Variants in TBC1D31 observed in about 807,000 individuals in gnomAD.
The protein encoded by TBC1D31 is TBC1 domain family member 31.
A neutral mutation model predicts 132.9 loss-of-function variants in TBC1D31; 99 were observed. The observed-to-expected ratio is 0.74, with a 90% confidence interval of 0.63 to 0.88. The LOEUF is 0.88. TBC1D31 is among the 40% of genes least tolerant of loss of function. TBC1D31 has a pLI of 0.00. For synonymous variants in TBC1D31, 385 were observed against 419.4 expected (o/e 0.92, Z 1.00); for missense variants, 1,134 against 1,256.6 (o/e 0.90, Z 1.48).
chr8:123,120,101 C>A lies in TBC1D31; in HGVS notation c.1483C>A (p.Pro495Thr), dbSNP rs745997465. 19 of 1,610,528 alleles carry A rather than the reference C, an allele frequency of 1.2e-5. No homozygotes were observed. Among genetic ancestry groups the A allele is most frequent in the Middle Eastern group, 1.6e-4 (1 of 6,078 alleles). ...AHWSVIFSDT[P>T]YLPLLAFPFV... Reference sequence around the variant, plus strand: ...CTGGTCTGTCATTTTTAGTGACACACCATATCTTCCACTCTTGGCATTTCC... The same window carrying A: ...CTGGTCTGTCATTTTTAGTGACACAACATATCTTCCACTCTTGGCATTTCC... Residue 495 changes from proline (P) to threonine (T), a missense_variant, in exon 11 of 22, where the codon CCA becomes ACA. By Grantham distance (38) the Pro-to-Thr change is conservative. Transcript: ENST00000287380.
chr8:123,151,273 T>A (rs1163769839), intron 21 of TBC1D31, among the ~76,000 whole-genome samples: 3 of 152,186 alleles, frequency 2.0e-5, no homozygotes, highest in Non-Finnish European at 4.4e-5. Context: ...TAAGGGCTTT[T>A]AAAAAAAATT....
intron 20 of TBC1D31, among the ~76,000 whole-genome samples, chr8:123,147,361 C>T (rs576446635): frequency 1.5e-4 from 23 of 152,064 alleles, no homozygotes; most frequent in African/African-American, 5.3e-4. Context: ...TTAGTAGAGA[C>T]GGGGTTTCAC....
In TBC1D31 at chr8:123,072,789, G is replaced by A. The variant is rs1053125586; in HGVS notation, c.20G>A (p.Gly7Asp). ...TTCGCCATGCAGAGCACTGACCTAG[G>A]CAACAAGGAGAGCGGCAAGATATGG... Reference protein sequence around the residue: MQSTDLGNKESGKIWHR... With the variant: MQSTDLDNKESGKIWHR... Residue 7 changes from glycine (G) to aspartate (D), a missense_variant, in exon 1 of 22, where the codon GGC (glycine) becomes GAC (aspartate). By Grantham distance (94) the Gly-to-Asp change is moderately conservative (BLOSUM62 -1). Transcript: ENST00000287380. 1 of 1,571,460 alleles carries A rather than the reference G, an allele frequency of 6.4e-7. No individual in the cohort carries two copies. The highest frequency in any genetic ancestry group is 8.6e-7 in the Non-Finnish European group (1 of 1,158,734).
intron 6 of TBC1D31, among the ~76,000 whole-genome samples, chr8:123,100,082 G>C (rs533056050): frequency 6.6e-6 from 1 of 152,234 alleles, no homozygotes; most frequent in South Asian, 2.1e-4. Flanking sequence ...AATATTTGCT[G>C]TTGGAGAGAC....
At chr8:123,144,111 A>C (rs1351155440) in intron 19 of TBC1D31, among the ~76,000 whole-genome samples, 2 of 152,334 alleles carry the variant, frequency 1.3e-5, no homozygotes, top group African/African-American at 2.4e-5. Flanking sequence ...TTATTTCTAT[A>C]GCATAAAAAT....
At chr8:123,089,925 T>G (rs918231982) in intron 4 of TBC1D31, among the ~76,000 whole-genome samples, 9 of 152,242 alleles carry the variant, frequency 5.9e-5, no homozygotes, top group Admixed American at 1.3e-4. Context: ...TACATAATGT[T>G]ATAGAATATA....
chr8:123,077,526 A>G (rs987745853), intron 2 of TBC1D31, among the ~76,000 whole-genome samples: 3 of 146,390 alleles, frequency 2.0e-5, no homozygotes, highest in African/African-American at 5.1e-5. Flanking sequence ...AAAATTTATT[A>G]TTGCTAATTT....
rs751117700 is a variant in TBC1D31, at chr8:123,142,359, G to T, written c.2738G>T (p.Arg913Leu). The T allele has an allele frequency of 6.2e-7, 1 of 1,609,606 alleles. No homozygotes were observed. Among genetic ancestry groups the T allele is most frequent in the Admixed American group, 1.7e-5 (1 of 59,242 alleles). The change falls in exon 19 of 22, where the codon CGA becomes CTA. Residue 913 changes from arginine (R) to leucine (L), a missense_variant. Transcript: ENST00000287380. ...LHKQKCDDLQ[R>L]NKCYQEVAKL... ...AAACAAAAATGTGATGATCTACAAC[G>T]AAACAAATGTTACCAGGAAGTAGCC... is the stretch of plus-strand genomic sequence containing the variant.
At chr8:123,137,315 C>T (rs997658467) in intron 17 of TBC1D31, among the ~76,000 whole-genome samples, 2 of 152,164 alleles carry the variant, frequency 1.3e-5, no homozygotes, top group African/African-American at 4.8e-5. Context: ...TGAGTTAATA[C>T]GTATTTGTCT....
chr8:123,161,236 C>G, the TBC1D31 span, among the ~76,000 whole-genome samples: 1 of 152,256 alleles, frequency 6.6e-6, no homozygotes, highest in Non-Finnish European at 1.5e-5. Context: ...CCTCAGGCCC[C>G]TCTGTAGAGA....
At chr8:123,152,621 A>C (rs1184531468), downstream of TBC1D31, among the ~76,000 whole-genome samples, 1 of 152,230 alleles carries the variant, frequency 6.6e-6, no homozygotes, top group Non-Finnish European at 1.5e-5. Flanking sequence ...CTGTAATCCC[A>C]GCACTTTGGG....
At chr8:123,078,705 A>C (rs1814805036) in intron 2 of TBC1D31, among the ~76,000 whole-genome samples, 1 of 152,222 alleles carries the variant, frequency 6.6e-6, no homozygotes. Context: ...AAAAAGACAC[A>C]GTTGCCAGCT....
chr8:123,113,955 A>G (rs1042659865), intron 10 of TBC1D31, among the ~76,000 whole-genome samples: 4 of 152,200 alleles, frequency 2.6e-5, no homozygotes, highest in Admixed American at 1.3e-4. Flanking sequence ...AGTCTTGTTT[A>G]GACAATTGGG....
chr8:123,127,227 G>A (rs1023398731), intron 13 of TBC1D31, among the ~76,000 whole-genome samples: 1 of 142,270 alleles, frequency 7.0e-6, no homozygotes, highest in Admixed American at 7.2e-5. Flanking sequence ...CTTAAGAAAA[G>A]AATCATGATA....
the TBC1D31 span, among the ~76,000 whole-genome samples, chr8:123,163,011 A>G: frequency 6.6e-6 from 1 of 151,950 alleles, no homozygotes; most frequent in South Asian, 2.1e-4. Context: ...TTGTATTTTT[A>G]GTAGAAACAG....
rs546928558 is a variant in TBC1D31, at chr8:123,084,478, G to C, written c.519+138G>C. On this transcript the variant is annotated intron_variant, in intron 4 of 21. Coordinates refer to ENST00000287380, the MANE Select transcript of TBC1D31 (RefSeq NM_145647.4). The stretch of plus-strand genomic sequence containing the variant: ...ACTCAGCAACAAGCAAAGCAAAGTG[G>C]CCAACACAAAGATGTTGCCTATAGC... The C allele has an allele frequency of 2.1e-4, 168 of 790,190 alleles. 2 individuals carry two copies. The South Asian group carries it at 3.2e-3, about 15-fold the overall frequency. The allele number at this position is 790,190 out of a possible 1,614,324, so 48.9% of individuals were successfully genotyped here.
At chr8:123,087,155 T>G (rs1308988483) in intron 4 of TBC1D31, among the ~76,000 whole-genome samples, 3 of 152,248 alleles carry the variant, frequency 2.0e-5, no homozygotes, top group Non-Finnish European at 4.4e-5. Context: ...CAGGCCCTAT[T>G]CCTCAAAGCC....
chr8:123,134,037 A>T (rs1200755498), intron 16 of TBC1D31, 77 bp from the exon 17 acceptor site: 1 of 1,161,420 alleles, frequency 8.6e-7, no homozygotes, highest in Non-Finnish European at 1.2e-6. Flanking sequence ...GGTCGTTCAG[A>T]TTACAGGATT....
chr8:123,089,216 A>C (rs1409648274), intron 4 of TBC1D31, among the ~76,000 whole-genome samples: 1 of 152,206 alleles, frequency 6.6e-6, no homozygotes, highest in Non-Finnish European at 1.5e-5. Flanking sequence ...CAAAGTCCAA[A>C]AAATCCAAAA....
Sources: allele counts gnomAD v4.1 joint callset (sites outside exome capture counted in the v4.1 genomes callset), GRCh38; gene constraint gnomAD v4.1.1; transcripts MANE v1.5; gene names NCBI Gene and HGNC (gene_info 2026-07-23, HGNC 2026-07-21).